Variants in CPNE8 observed in about 807,000 individuals in gnomAD.
CPNE8 encodes copine-8.
In CPNE8, 45 loss-of-function variants were observed where a neutral mutation model predicts 81.5. The observed-to-expected ratio is 0.55, with a 90% CI of 0.44 to 0.71. The LOEUF (loss-of-function observed/expected upper bound fraction) is 0.71. CPNE8 is among the 30% of genes least tolerant of loss of function. The pLI is 0.00. For missense variants in CPNE8, 594 were observed against 672.1 expected, an observed-to-expected ratio of 0.88 and a Z score of 1.28; for synonymous variants, 252 against 226.3, an observed-to-expected ratio of 1.11 and a Z score of -1.02.
At chr12:38,742,575 T>C (rs1273513247) in intron 10 of CPNE8, among the ~76,000 whole-genome samples, 1 of 151,576 alleles carries the variant, frequency 6.6e-6, no homozygotes, top group African/African-American at 2.4e-5. Context: ...ATATACCTAA[T>C]GTAAATGACG....
intron 19 of CPNE8, among the ~76,000 whole-genome samples, chr12:38,667,884 ACC>A (rs1939093813): frequency 1.3e-5 from 2 of 151,484 alleles, no homozygotes; most frequent in African/African-American, 4.9e-5. Context: ...CGCAATCTCC[ACC>A]TCCTGGGCTC....
At chr12:38,795,838 A>G (rs963452627) in intron 6 of CPNE8, among the ~76,000 whole-genome samples, 3 of 142,952 alleles carry the variant, frequency 2.1e-5, no homozygotes, top group Non-Finnish European at 3.1e-5. Flanking sequence ...TACACTTAAA[A>G]TGGTAAATAT....
At chr12:38,674,987 T>C (rs925847155) in intron 18 of CPNE8, among the ~76,000 whole-genome samples, 2 of 152,244 alleles carry the variant, frequency 1.3e-5, no homozygotes, top group African/African-American at 4.8e-5. Flanking sequence ...GCTGTGTACT[T>C]GCTGTCTAGC....
intron 6 of CPNE8, among the ~76,000 whole-genome samples, chr12:38,816,791 G>C (rs1487705803): frequency 6.6e-6 from 1 of 152,144 alleles, no homozygotes; most frequent in Admixed American, 6.5e-5. Context: ...TTTCATCAGA[G>C]TTACCTCAAA....
intron 14 of CPNE8, among the ~76,000 whole-genome samples, chr12:38,702,022 G>A (rs906315826): frequency 3.3e-5 from 5 of 152,086 alleles, no homozygotes; most frequent in Non-Finnish European, 7.4e-5. Flanking sequence ...GTTCAATTAA[G>A]TGACCTCTAA....
intron 19 of CPNE8, among the ~76,000 whole-genome samples, chr12:38,662,859 T>A (rs547030638): frequency 7.9e-5 from 12 of 152,228 alleles, no homozygotes; most frequent in Admixed American, 7.2e-4. Flanking sequence ...AACTGATTTT[T>A]GACAAATGCA....
chr12:38,827,013 C>CAAAAAAAA (rs56670584), intron 6 of CPNE8, among the ~76,000 whole-genome samples: 3 of 91,666 alleles, frequency 3.3e-5, no homozygotes, highest in Non-Finnish European at 4.4e-5. Flanking sequence ...ACTAAAAATA[C>CAAAAAAAA]AAAAAAAAAA....
In CPNE8 at chr12:38,678,415, C is replaced by T. The variant is rs567977200; in HGVS notation, c.1272-861G>A. Among the ~76,000 whole-genome samples the T allele has an allele frequency of 3.8e-4, 58 of 151,706 alleles. 1 individual carries two copies. Among genetic ancestry groups the T allele is most frequent in the Non-Finnish European group, 6.6e-4 (45 of 67,806 alleles). ...ATATTCTCAATAGAGATAATTTTTA[C>T]GATTTTTTGCAATTCATGTCCAGTG... On this transcript the variant is annotated intron_variant, in intron 16 of 19. Coordinates refer to ENST00000331366, the MANE Select transcript of CPNE8 (RefSeq NM_153634.3).
chr12:38,704,369 T>C (rs1045108193), intron 13 of CPNE8, among the ~76,000 whole-genome samples: 7 of 152,144 alleles, frequency 4.6e-5, no homozygotes, highest in Non-Finnish European at 2.9e-5. Flanking sequence ...TTTGTGTGTA[T>C]ATGTATGTGT....
intron 6 of CPNE8, among the ~76,000 whole-genome samples, chr12:38,793,036 C>A (rs1002951815): frequency 9.9e-5 from 15 of 151,682 alleles, no homozygotes; most frequent in Non-Finnish European, 1.9e-4. Context: ...ATTCCAGTAG[C>A]CTTTTATGAT....
intron 3 of CPNE8, among the ~76,000 whole-genome samples, chr12:38,858,782 T>C (rs1350730701): frequency 6.6e-6 from 1 of 152,178 alleles, no homozygotes; most frequent in Non-Finnish European, 1.5e-5. Flanking sequence ...AATGAGATTT[T>C]TTTTCCTGTG....
At chr12:38,657,593 C>T (rs923131739) in intron 19 of CPNE8, among the ~76,000 whole-genome samples, 34 of 152,202 alleles carry the variant, frequency 2.2e-4, no homozygotes, top group South Asian at 8.3e-4. Flanking sequence ...CCCTGACCCC[C>T]GTATAGCGTA....
intron 3 of CPNE8, among the ~76,000 whole-genome samples, chr12:38,864,608 G>A (rs35815238): frequency 1.3e-3 from 195 of 152,224 alleles, no homozygotes; most frequent in Middle Eastern, 3.4e-3. Context: ...GGAGAAAGGC[G>A]ATCCCATCAA....
At position 38,652,519 on chromosome 12, in the gene CPNE8, A is replaced by C. The variant is rs1938722039; in HGVS notation, c.*1363T>G. The C allele has an allele frequency of 6.6e-6, 1 of 152,620 alleles. No individual in the cohort carries two copies. The highest frequency in any genetic ancestry group is 1.5e-5 in the Non-Finnish European group (1 of 68,010). The allele number at this position is 152,620 out of a possible 1,614,324, so 9.5% of individuals were successfully genotyped here. On this transcript the variant is annotated 3_prime_UTR_variant, in exon 20 of 20. Coordinates refer to ENST00000331366, the MANE Select transcript of CPNE8 (RefSeq NM_153634.3). ...TAGGTCAACTTGGGACAAAGAAAACAATGTACAGTAGAAATAAACCAAGTA... is the reference window on the plus strand; with the variant it reads ...TAGGTCAACTTGGGACAAAGAAAACCATGTACAGTAGAAATAAACCAAGTA...
intron 7 of CPNE8, among the ~76,000 whole-genome samples, chr12:38,774,622 T>TA (rs397757397): frequency 3.3e-5 from 5 of 151,748 alleles, no homozygotes; most frequent in African/African-American, 4.8e-5. Flanking sequence ...ATTTTTTTTT[T>TA]AAATAGTCTA....
chr12:38,879,874 A>G (rs1944126048), intron 1 of CPNE8, among the ~76,000 whole-genome samples: 1 of 152,166 alleles, frequency 6.6e-6, no homozygotes, highest in South Asian at 2.1e-4. Flanking sequence ...TACTTGTTTT[A>G]GGGGTTAAGT....
chr12:38,669,067 A>G (rs1939119273), intron 19 of CPNE8, among the ~76,000 whole-genome samples: 1 of 151,856 alleles, frequency 6.6e-6, no homozygotes, highest in Non-Finnish European at 1.5e-5. Context: ...AAAAAATAAA[A>G]TAAATAACAC....
At chr12:38,725,581 TATGGAGAAAG>T (rs1940677646) in intron 11 of CPNE8, among the ~76,000 whole-genome samples, 1 of 152,140 alleles carries the variant, frequency 6.6e-6, no homozygotes. Context: ...CAATCCAAAA[TATGGAGAAAG>T]CCTTTGACAG....
intron 16 of CPNE8, 67 bp downstream of exon 16, chr12:38,685,421 AGC>A: frequency 6.6e-7 from 1 of 1,511,104 alleles, no homozygotes; most frequent in Non-Finnish European, 8.9e-7. Flanking sequence ...GAGTCATGCT[AGC>A]AACAATGTTA....
Sources: allele counts gnomAD v4.1 joint callset (sites outside exome capture counted in the v4.1 genomes callset), GRCh38; gene constraint gnomAD v4.1.1; transcripts MANE v1.5; gene names NCBI Gene and HGNC (gene_info 2026-07-23, HGNC 2026-07-21).